Variants in RHEX observed in about 807,000 individuals in gnomAD.
The protein encoded by RHEX is regulator of hemoglobinization and erythroid cell expansion protein.
A neutral mutation model predicts 20.1 loss-of-function variants in RHEX; 18 were observed. The observed-to-expected ratio is 0.90, with a 90% CI of 0.62 to 1.33. The LOEUF (loss-of-function observed/expected upper bound fraction) is 1.33. Among genes scored for constraint, RHEX ranks in the 40% most tolerant of loss-of-function variants. The pLI, the probability that RHEX is intolerant of heterozygous loss-of-function variation, is 0.00. For synonymous variants in RHEX, 87 were observed against 77.1 expected (o/e 1.13, Z -0.67); for missense variants, 192 against 214.3 (o/e 0.90, Z 0.65).
chr1:206,073,035 G>A (rs1444351113), intron 1 of RHEX, among the ~76,000 whole-genome samples: 1 of 151,714 alleles, frequency 6.6e-6, no homozygotes, highest in Non-Finnish European at 1.5e-5. Flanking sequence ...ACAGGGTTTC[G>A]CCATATTCCC....
intron 1 of RHEX, among the ~76,000 whole-genome samples, chr1:206,053,577 C>A (rs1360739720): frequency 6.6e-6 from 1 of 151,910 alleles, no homozygotes; most frequent in Non-Finnish European, 1.5e-5. Context: ...ATAAGCCCAC[C>A]CCACTAGGAA....
intron 5 of RHEX, 74 bp downstream of exon 5, chr1:206,101,271 CAA>C (rs1663181364): frequency 8.5e-7 from 1 of 1,181,422 alleles, no homozygotes; most frequent in Non-Finnish European, 1.2e-6. Flanking sequence ...GCTGAAAACT[CAA>C]GTTACCCCAG....
At chr1:206,086,907 TGAGGTGGGAGGATTGCTTGAGCCCAG>T (rs1435695119) in intron 1 of RHEX, among the ~76,000 whole-genome samples, 1 of 151,992 alleles carries the variant, frequency 6.6e-6, no homozygotes, top group African/African-American at 2.4e-5. Flanking sequence ...CTCGGGAGGC[TGAGGTGGGAGGATTGCTTGAGCCCAG>T]GAGGTCGAGG....
At chr1:206,097,594 T>C (rs1663098807) in intron 1 of RHEX, 139 bp from the exon 2 acceptor site, 3 of 598,356 alleles carry the variant, frequency 5.0e-6, no homozygotes, top group Non-Finnish European at 8.9e-6. Context: ...GAATGTATCA[T>C]GTAGGAAAGT....
intron 1 of RHEX, among the ~76,000 whole-genome samples, chr1:206,076,229 A>T (rs1553285215): frequency 1.3e-5 from 2 of 151,294 alleles, no homozygotes; most frequent in Admixed American, 6.6e-5. Context: ...GTCACAGCTC[A>T]CTGCAGCCTC....
intron 1 of RHEX, among the ~76,000 whole-genome samples, chr1:206,089,281 G>A (rs781862758): frequency 5.3e-5 from 8 of 151,810 alleles, no homozygotes; most frequent in Non-Finnish European, 8.8e-5. Flanking sequence ...GGGCTCAAGC[G>A]ATCCTCCCAC....
intron 5 of RHEX, 62 bp downstream of exon 5, chr1:206,101,259 A>T: frequency 3.0e-6 from 4 of 1,351,968 alleles, no homozygotes; most frequent in Non-Finnish European, 3.1e-6. Flanking sequence ...CTGCTGTAAA[A>T]CGCTGAAAAC....
intron 1 of RHEX, among the ~76,000 whole-genome samples, chr1:206,055,834 C>T (rs907768037): frequency 6.6e-6 from 1 of 152,284 alleles, no homozygotes; most frequent in African/African-American, 2.4e-5. Context: ...GACTGTAGGG[C>T]CCTGGCCAAG....
intron 5 of RHEX, 110 bp downstream of exon 5, chr1:206,101,307 A>G: frequency 3.4e-6 from 3 of 881,232 alleles, no homozygotes; most frequent in Non-Finnish European, 5.4e-6. Flanking sequence ...GCAAGAAAAG[A>G]GGGTTTCTTG....
intron 1 of RHEX, among the ~76,000 whole-genome samples, chr1:206,088,612 G>A (rs999218756): frequency 1.3e-5 from 2 of 152,212 alleles, no homozygotes; most frequent in African/African-American, 4.8e-5. Flanking sequence ...GAACCTGGGA[G>A]GCGGAGGTTG....
intron 1 of RHEX, chr1:206,061,092 T>C (rs1662301025): frequency 6.6e-6 from 1 of 152,212 alleles, no homozygotes; most frequent in African/African-American, 2.4e-5. Flanking sequence ...TATATGCTTA[T>C]GGCCTATATG....
chr1:206,086,197 C>A (rs1553286397), intron 1 of RHEX, among the ~76,000 whole-genome samples: 1 of 152,144 alleles, frequency 6.6e-6, no homozygotes, highest in African/African-American at 2.4e-5. Context: ...TTGCTCCCAC[C>A]TGAAAATCAT....
intron 1 of RHEX, chr1:206,061,192 T>C (rs1662302686): frequency 6.6e-6 from 1 of 152,206 alleles, no homozygotes; most frequent in Admixed American, 6.5e-5. Context: ...TTCCCCTGTG[T>C]CTTCCTGGGA....
chr1:206,064,666 C>G (rs1265367870), intron 1 of RHEX, among the ~76,000 whole-genome samples: 1 of 148,200 alleles, frequency 6.7e-6, no homozygotes, highest in African/African-American at 2.5e-5. Flanking sequence ...GGGGTCAGCC[C>G]CCCGCCCGGC....
intron 3 of RHEX, 123 bp downstream of exon 3, chr1:206,098,304 G>T (rs139758240): frequency 0.011 from 7,213 of 680,208 alleles, 76 homozygotes; most frequent in Non-Finnish European, 0.014. Flanking sequence ...AGGACCCACC[G>T]GCCAAATTCC....
intron 1 of RHEX, among the ~76,000 whole-genome samples, chr1:206,059,707 AC>A (rs1662271537): frequency 6.6e-6 from 1 of 152,088 alleles, no homozygotes; most frequent in East Asian, 1.9e-4. Context: ...GAGATTCCTC[AC>A]CTATACAATG....
intron 1 of RHEX, among the ~76,000 whole-genome samples, chr1:206,069,024 C>T (rs188611266): frequency 1.3e-5 from 2 of 152,182 alleles, no homozygotes; most frequent in Non-Finnish European, 2.9e-5. Context: ...TTATGCCCAG[C>T]CTGAAGCCAA....
intron 4 of RHEX, among the ~76,000 whole-genome samples, chr1:206,100,616 T>A (rs191077334): frequency 6.6e-6 from 1 of 152,088 alleles, no homozygotes; most frequent in Non-Finnish European, 1.5e-5. Flanking sequence ...AGAGATTGTT[T>A]AGCTGTCAGG....
chr1:206,074,201 G>A (rs1662588898), intron 1 of RHEX, among the ~76,000 whole-genome samples: 1 of 152,110 alleles, frequency 6.6e-6, no homozygotes, highest in African/African-American at 2.4e-5. Context: ...TATGTTCCTT[G>A]TCTCCTTTTA....
Sources: allele counts gnomAD v4.1 joint callset (sites outside exome capture counted in the v4.1 genomes callset), GRCh38; gene constraint gnomAD v4.1.1; transcripts MANE v1.5; gene names NCBI Gene and HGNC (gene_info 2026-07-23, HGNC 2026-07-21).